The following PATJ variants were observed in gnomAD, a reference collection of about 807,000 sequenced individuals.
PATJ encodes PATJ crumbs cell polarity complex component, also known as inaD-like protein.
Under a neutral mutation model 224.9 loss-of-function variants are expected in PATJ, and 190 were observed. The ratio of observed to expected loss-of-function variants is 0.84; its 90% CI spans 0.75 to 0.95. The LOEUF is 0.95. PATJ is among the 40% of genes least tolerant of loss of function. The pLI is 0.00. For synonymous variants in PATJ, 769 were observed against 820.3 expected, an observed-to-expected ratio of 0.94 and a Z score of 1.07; for missense variants, 2,121 against 2,270.3, an observed-to-expected ratio of 0.93 and a Z score of 1.34.
At chr1:61,900,496 A>G (rs1019728943) in intron 23 of PATJ, among the ~76,000 whole-genome samples, 1 of 152,198 alleles carries the variant, frequency 6.6e-6, no homozygotes, top group East Asian at 1.9e-4. Context: ...TGACTGGGAA[A>G]AGCAACTTGG....
rs1180437579 is a variant in PATJ, at chr1:62,053,271, C to T, written c.4125+2213C>T. Among the ~76,000 whole-genome samples, 10 of 152,210 alleles carry T rather than the reference C, an allele frequency of 6.6e-5. No individual in the cohort carries two copies. In the East Asian group the frequency reaches 1.9e-3, roughly 29 times the overall value. On this transcript the variant is annotated intron_variant, in intron 31 of 43. Coordinates refer to ENST00000642238, the MANE Select transcript of PATJ (RefSeq NM_001350145.3). ...AGTGTCTGTCTTTTTCCACTCTGTT[C>T]CCTTCCTTACCCACCATCTGTCCTT...
chr1:61,880,822 G>A (rs1479883273), intron 21 of PATJ, among the ~76,000 whole-genome samples: 2 of 152,178 alleles, frequency 1.3e-5, no homozygotes, highest in Non-Finnish European at 2.9e-5. Context: ...TGGCCAGCAC[G>A]GTGGCTCATG....
intron 7 of PATJ, among the ~76,000 whole-genome samples, chr1:61,783,058 T>G (rs1461993335): frequency 1.3e-5 from 2 of 152,192 alleles, no homozygotes; most frequent in Non-Finnish European, 2.9e-5. Flanking sequence ...AGCAAGGGTT[T>G]GAGGGTGGAT....
chr1:61,831,055 C>T (rs866291642), intron 16 of PATJ, among the ~76,000 whole-genome samples: 3 of 151,598 alleles, frequency 2.0e-5, no homozygotes, highest in South Asian at 2.1e-4. Context: ...GGTGTGGTGG[C>T]GGGTACCTGT....
chr1:61,912,970 A>G (rs1191788283), intron 25 of PATJ, among the ~76,000 whole-genome samples: 1 of 152,162 alleles, frequency 6.6e-6, no homozygotes, highest in Non-Finnish European at 1.5e-5. Context: ...AGAGATAGAA[A>G]TATTAGGTTA....
At position 62,001,342 on chromosome 1, in the gene PATJ, A is replaced by C. The variant is rs529764176; in HGVS notation, c.3867+10978A>C. Reference sequence around the variant, plus strand: ...TTTTAGGTCTAACGTTTAAGTCTTTAATCCATCTTGAATTAATTTTTGTAT... The same window carrying C: ...TTTTAGGTCTAACGTTTAAGTCTTTCATCCATCTTGAATTAATTTTTGTAT... On this transcript the variant is annotated intron_variant, in intron 28 of 43. Coordinates refer to ENST00000642238, the MANE Select transcript of PATJ (RefSeq NM_001350145.3). Among the ~76,000 whole-genome samples the C allele has an allele frequency of 1.2e-4, 18 of 149,258 alleles. 1 individual carries two copies. The South Asian group carries it at 2.0e-3, about 16-fold the overall frequency.
chr1:61,919,141 C>A (rs770410851), intron 26 of PATJ, among the ~76,000 whole-genome samples: 7 of 151,254 alleles, frequency 4.6e-5, no homozygotes, highest in African/African-American at 1.7e-4. Flanking sequence ...TCTGTTATAT[C>A]TTTTTTCTGC....
At chr1:61,957,847 G>A (rs778165866) in intron 27 of PATJ, among the ~76,000 whole-genome samples, 2 of 152,158 alleles carry the variant, frequency 1.3e-5, no homozygotes, top group African/African-American at 4.8e-5. Context: ...TCAGGTGTGA[G>A]TTCAAGGTCA....
intron 1 of PATJ, among the ~76,000 whole-genome samples, chr1:61,762,534 G>A (rs1198880454): frequency 6.6e-6 from 1 of 152,104 alleles, no homozygotes; most frequent in Non-Finnish European, 1.5e-5. Context: ...GAGTGGAAGT[G>A]CTGGGTCATA....
Position 62,161,295 on chromosome 1 carries a change from C to A in PATJ, c.*241C>A. 3.1e-6 allele frequency: 1 copy of A among 322,982 alleles called. No individual in the cohort carries two copies. The highest frequency in any genetic ancestry group is 5.6e-6 in the Non-Finnish European group (1 of 179,726). 20.0% of individuals were successfully genotyped at this position (322,982 alleles called of 1,614,324 possible). A position where few individuals can be genotyped will look rare whatever the true frequency, so the allele number is the denominator to read the frequency against. Reference sequence around the variant, plus strand: ...GTTGATTTCTAAAACTTAAATGAGTCTACCTGTTTTGCATTTAATTTCAGT... The same window carrying A: ...GTTGATTTCTAAAACTTAAATGAGTATACCTGTTTTGCATTTAATTTCAGT... On this transcript the variant is annotated 3_prime_UTR_variant, in exon 44 of 44. Transcript: ENST00000642238.
chr1:61,968,680 G>C (rs532700169), intron 27 of PATJ, among the ~76,000 whole-genome samples: 10 of 152,034 alleles, frequency 6.6e-5, no homozygotes, highest in Non-Finnish European at 1.2e-4. Flanking sequence ...ACTTACATTA[G>C]GTATGTCTCC....
rs147881544 is a variant in PATJ, at chr1:62,160,990, A to G, written c.5585A>G (p.His1862Arg). 4 of 1,611,858 alleles carry G rather than the reference A, an allele frequency of 2.5e-6. No individual in the cohort carries two copies. In the African/African-American group the frequency reaches 4.0e-5, roughly 16 times the overall value. ...VNGETLEGVT[H>R]EQAVAILKHQ... Reference sequence around the variant, plus strand: ...GGCGAGACCCTGGAAGGTGTTACTCATGAGCAAGCAGTCGCCATTCTAAAA... The same window carrying G: ...GGCGAGACCCTGGAAGGTGTTACTCGTGAGCAAGCAGTCGCCATTCTAAAA... The change falls in exon 44 of 44, where the codon CAT becomes CGT. Residue 1862 changes from histidine (H) to arginine (R), a missense_variant. Transcript: ENST00000642238.
intron 27 of PATJ, among the ~76,000 whole-genome samples, chr1:61,983,123 T>C (rs1644541090): frequency 6.6e-6 from 1 of 151,966 alleles, no homozygotes; most frequent in Non-Finnish European, 1.5e-5. Flanking sequence ...GAATTAAAAG[T>C]CTCTGATTTC....
At chr1:61,870,179 C>T (rs949566901) in intron 20 of PATJ, among the ~76,000 whole-genome samples, 16 of 151,944 alleles carry the variant, frequency 1.1e-4, no homozygotes, top group African/African-American at 3.6e-4. Flanking sequence ...ATGGCAAATG[C>T]GGGGATTTTA....
At chr1:61,875,731 A>G (rs934088477) in intron 21 of PATJ, among the ~76,000 whole-genome samples, 1 of 152,134 alleles carries the variant, frequency 6.6e-6, no homozygotes, top group African/African-American at 2.4e-5. Flanking sequence ...ATTTAATGGG[A>G]CTGTTAAATA....
intron 27 of PATJ, among the ~76,000 whole-genome samples, chr1:61,986,337 T>C (rs116045514): frequency 0.023 from 3,568 of 152,218 alleles, 125 homozygotes; most frequent in African/African-American, 0.058. Context: ...TACCAACTTA[T>C]AGTTTGTGTT....
chr1:61,918,976 TA>T (rs1673876149), intron 26 of PATJ, among the ~76,000 whole-genome samples: 2 of 151,698 alleles, frequency 1.3e-5, no homozygotes, highest in South Asian at 2.1e-4. Context: ...TTTTAAAAAG[TA>T]AAAAATAAAA....
rs753490029 is a variant in PATJ, at chr1:61,795,504, T to A, written c.1206T>A (p.Pro402=). 2.0e-5 allele frequency: 32 copies of A among 1,610,202 alleles called. 1 individual carries two copies. The South Asian group carries it at 3.4e-4, about 17-fold the overall frequency. ...GGATTTATGTGAAAAGTATAATACC[T>A]GGCAGTGCTGCGTACCACAATGGCC... ...ASGIYVKSII[P]GSAAYHNGHI... Residue 402 remains proline (P), a synonymous_variant, in exon 10 of 44, where the codon CCT becomes CCA. Transcript: ENST00000642238.
intron 22 of PATJ, among the ~76,000 whole-genome samples, chr1:61,885,275 C>T (rs12135497): frequency 0.043 from 6,479 of 152,204 alleles, 179 homozygotes; most frequent in Non-Finnish European, 0.057. Flanking sequence ...TCGCAACCTA[C>T]TCATCTGACA....
Sources: gnomAD v4.1 joint callset for allele counts (sites outside exome capture counted in the v4.1 genomes callset) on GRCh38, gnomAD v4.1.1 for gene constraint, MANE v1.5 for transcripts, NCBI Gene and HGNC (gene_info 2026-07-23, HGNC 2026-07-21) for gene names.